Variants in DLGAP1 observed in about 807,000 individuals in gnomAD.
DLGAP1 encodes the protein DLG associated protein 1.
Under a neutral mutation model 90.8 loss-of-function variants are expected in DLGAP1, and 11 were observed. The ratio of observed to expected loss-of-function variants is 0.12; its 90% confidence interval spans 0.08 to 0.20. DLGAP1 has a LOEUF of 0.20. Ranked by LOEUF, DLGAP1 falls within the 10% of genes least tolerant of loss-of-function variation. The pLI, the probability that DLGAP1 is intolerant of heterozygous loss-of-function variation, is 1.00. For synonymous variants in DLGAP1, 558 were observed against 540.7 expected, an observed-to-expected ratio of 1.03 and a Z score of -0.44; for missense variants, 1,050 against 1,333.8, an observed-to-expected ratio of 0.79 and a Z score of 3.31.
chr18:3,705,653 A>G (rs1051051092), intron 7 of DLGAP1, among the ~76,000 whole-genome samples: 1 of 148,742 alleles, frequency 6.7e-6, no homozygotes, highest in East Asian at 1.9e-4. Flanking sequence ...AATAATAGTA[A>G]TTATTATTAT....
At chr18:3,965,940 CAAAA>C (rs544643910) in intron 3 of DLGAP1, among the ~76,000 whole-genome samples, 1 of 100,576 alleles carries the variant, frequency 9.9e-6, no homozygotes, top group Non-Finnish European at 1.9e-5. Context: ...GACTCCATGT[CAAAA>C]AAAAAAAAAA....
chr18:3,920,062 C>T (rs10853308), intron 3 of DLGAP1, among the ~76,000 whole-genome samples: 48,720 of 151,952 alleles, frequency 0.32, 9,029 homozygotes, highest in Admixed American at 0.42. Context: ...ATTCACTGGG[C>T]CCGGACACAG....
At chr18:4,080,916 T>G (rs2075597929) in intron 2 of DLGAP1, among the ~76,000 whole-genome samples, 1 of 151,656 alleles carries the variant, frequency 6.6e-6, no homozygotes. Flanking sequence ...GAGATGAAGT[T>G]TTGCTCTTGT....
chr18:4,353,655 G>A (rs1471815131), intron 1 of DLGAP1, among the ~76,000 whole-genome samples: 3 of 151,544 alleles, frequency 2.0e-5, no homozygotes, highest in Non-Finnish European at 4.4e-5. Context: ...TGAAACTAGT[G>A]TAAGATATTT....
At chr18:4,382,357 T>G (rs950315912) in intron 1 of DLGAP1, among the ~76,000 whole-genome samples, 2 of 152,126 alleles carry the variant, frequency 1.3e-5, no homozygotes. Context: ...TAGCCATTAT[T>G]AGATATTTTA....
chr18:3,698,960 C>T (rs1376200091), intron 7 of DLGAP1, among the ~76,000 whole-genome samples: 4 of 151,976 alleles, frequency 2.6e-5, no homozygotes, highest in African/African-American at 2.4e-5. Flanking sequence ...GTATGCTTCA[C>T]GAAGTCCTCG....
In DLGAP1 at chr18:4,342,466, A is replaced by G. The variant is rs2143864448; in HGVS notation, c.-267+112540T>C. Among the ~76,000 whole-genome samples the G allele has an allele frequency of 6.6e-6, 1 of 152,340 alleles. No homozygotes were observed. The highest frequency in any genetic ancestry group is 1.9e-4 in the East Asian group (1 of 5,188). On this transcript the variant is annotated intron_variant, in intron 1 of 12. Coordinates refer to ENST00000315677, the MANE Select transcript of DLGAP1 (RefSeq NM_004746.4). The surrounding 1 kb of genome is among the most constrained non-coding windows in gnomAD (Gnocchi z 5.8). ...TTAAAACTCTGCTTTCTTTTAAATAAGAGCCATTTCTAACTTTGATCAAAT... is the reference window on the plus strand; with the variant it reads ...TTAAAACTCTGCTTTCTTTTAAATAGGAGCCATTTCTAACTTTGATCAAAT...
chr18:3,876,671 A>C (rs1255195943), intron 4 of DLGAP1, among the ~76,000 whole-genome samples: 1 of 152,182 alleles, frequency 6.6e-6, no homozygotes, highest in African/African-American at 2.4e-5. Flanking sequence ...CATTGTAATG[A>C]ATGTTTTAGT....
intron 1 of DLGAP1, among the ~76,000 whole-genome samples, chr18:4,380,370 G>C (rs1240248425): frequency 2.0e-5 from 3 of 152,106 alleles, no homozygotes; most frequent in Non-Finnish European, 2.9e-5. Flanking sequence ...GGGAGTCCTG[G>C]GCATTTGCCC....
intron 1 of DLGAP1, among the ~76,000 whole-genome samples, chr18:4,400,106 C>T (rs906487303): frequency 6.6e-6 from 1 of 152,152 alleles, no homozygotes; most frequent in East Asian, 1.9e-4. Flanking sequence ...TCCACCTGCA[C>T]CACATCCCCA....
chr18:3,892,203 G>A (rs1210385576), intron 3 of DLGAP1, among the ~76,000 whole-genome samples: 1 of 148,606 alleles, frequency 6.7e-6, no homozygotes, highest in Admixed American at 6.7e-5. Flanking sequence ...TTTGTAATAT[G>A]ATCTTTGTTA....
At chr18:4,287,385 A>G (rs1261224435) in intron 1 of DLGAP1, among the ~76,000 whole-genome samples, 2 of 152,208 alleles carry the variant, frequency 1.3e-5, no homozygotes, top group African/African-American at 4.8e-5. Flanking sequence ...AAATCATTCT[A>G]CTATAAAGAC....
At chr18:4,109,150 G>T (rs1448388493) in intron 2 of DLGAP1, among the ~76,000 whole-genome samples, 2 of 132,450 alleles carry the variant, frequency 1.5e-5, no homozygotes, top group Non-Finnish European at 3.3e-5. Flanking sequence ...CTGATATCTG[G>T]TGCCATCCGC....
chr18:4,133,192 G>A (rs1350500735), intron 2 of DLGAP1, among the ~76,000 whole-genome samples: 1 of 152,126 alleles, frequency 6.6e-6, no homozygotes, highest in Non-Finnish European at 1.5e-5. Context: ...CCTTGAAGGA[G>A]GTTTGGGAGA....
intron 7 of DLGAP1, among the ~76,000 whole-genome samples, chr18:3,699,322 G>T (rs1396368671): frequency 6.6e-6 from 1 of 152,070 alleles, no homozygotes; most frequent in Non-Finnish European, 1.5e-5. Context: ...TTTCAGATGG[G>T]GTTTTTGTGT....
intron 6 of DLGAP1, among the ~76,000 whole-genome samples, chr18:3,740,964 A>G (rs1251533368): frequency 8.2e-6 from 1 of 122,276 alleles, no homozygotes; most frequent in Non-Finnish European, 1.7e-5. Context: ...CACCACCACC[A>G]CCACCATCAC....
rs778623794 is a variant in DLGAP1 at position 3,845,315 on chromosome 18, G to A, written c.958-31042C>T. 2.0e-5 allele frequency: 32 copies of A among 1,599,258 alleles called. No homozygotes were observed. In the African/African-American group the frequency reaches 4.2e-4, roughly 21 times the overall value. On this transcript the variant is annotated intron_variant, in intron 4 of 12. Transcript: ENST00000315677. ...CTCAGCTTTGATTTGGTATAGTGCA[G>A]CTGAGAGCATTTAGCTTCTCTCTAT...
chr18:3,961,525 C>T (rs1282983005), intron 3 of DLGAP1, among the ~76,000 whole-genome samples: 1 of 151,792 alleles, frequency 6.6e-6, no homozygotes, highest in African/African-American at 2.4e-5. Flanking sequence ...ATTTCTCTTC[C>T]CACACCTGGA....
At chr18:4,117,099 A>G (rs2076074682) in intron 2 of DLGAP1, among the ~76,000 whole-genome samples, 1 of 152,202 alleles carries the variant, frequency 6.6e-6, no homozygotes, top group African/African-American at 2.4e-5. Context: ...TTAGATACAC[A>G]CACAAAGGGA....
Sources: allele counts gnomAD v4.1 joint callset (sites outside exome capture counted in the v4.1 genomes callset), GRCh38; gene constraint gnomAD v4.1.1; non-coding constraint Gnocchi (gnomAD v3.1); transcripts MANE v1.5; gene names NCBI Gene and HGNC (gene_info 2026-07-23, HGNC 2026-07-21).